Variants in KCNIP1 observed in about 807,000 individuals in gnomAD.
The protein encoded by KCNIP1 is A-type potassium channel modulatory protein KCNIP1.
KCNIP1 carries 18 observed loss-of-function variants against 33.0 expected under a neutral mutation model. The ratio of observed to expected loss-of-function variants is 0.55; its 90% confidence interval spans 0.38 to 0.81. The LOEUF is 0.81. KCNIP1 is among the 30% of genes least tolerant of loss of function. KCNIP1 has a pLI of 0.00. For synonymous variants in KCNIP1, 93 were observed against 98.3 expected, an observed-to-expected ratio of 0.95 and a Z score of 0.32; for missense variants, 238 against 271.6, an observed-to-expected ratio of 0.88 and a Z score of 0.87.
chr5:170,385,284 G>T lies in KCNIP1; in HGVS notation c.88+31320G>T, dbSNP rs45477597. On this transcript the variant is annotated intron_variant, in intron 1 of 7. Transcript: ENST00000377360. ...ATGCCAGACCCTTAGGAGAGGGTTG[G>T]GGGGTGGGCAGGCCGGGAGAGCTCA... is the stretch of plus-strand genomic sequence containing the variant. 2.0e-5 allele frequency: 32 copies of T among 1,613,434 alleles called. No homozygotes were observed. The African/African-American group carries it at 3.1e-4, about 15-fold the overall frequency.
At chr5:170,440,262 C>T (rs59934289) in intron 1 of KCNIP1, among the ~76,000 whole-genome samples, 3,675 of 152,238 alleles carry the variant, frequency 0.024, 154 homozygotes, top group African/African-American at 0.084. Context: ...TTGTTTAAGC[C>T]GCCCAGTCTG....
chr5:170,630,642 T>C (rs1286988088), intron 1 of KCNIP1, among the ~76,000 whole-genome samples: 1 of 152,114 alleles, frequency 6.6e-6, no homozygotes, highest in African/African-American at 2.4e-5. Context: ...AGGCAGAGGA[T>C]GTGAATGGGC....
intron 1 of KCNIP1, chr5:170,678,648 G>T (rs1349504994): frequency 1.3e-5 from 2 of 152,210 alleles, no homozygotes; most frequent in Admixed American, 1.3e-4. Context: ...ATTACCTGTT[G>T]ATGGGACCTC....
At chr5:170,495,056 A>G (rs958064589) in intron 1 of KCNIP1, among the ~76,000 whole-genome samples, 1 of 152,184 alleles carries the variant, frequency 6.6e-6, no homozygotes, top group Non-Finnish European at 1.5e-5. Context: ...TGCTTCAATC[A>G]CTGAACTTAA....
intron 1 of KCNIP1, among the ~76,000 whole-genome samples, chr5:170,615,197 A>G (rs1051177506): frequency 1.3e-5 from 2 of 152,190 alleles, no homozygotes; most frequent in Admixed American, 1.3e-4. Flanking sequence ...CCTGGGCGAC[A>G]GAGTGGGATT....
chr5:170,473,457 C>T (rs1010610942), intron 1 of KCNIP1, among the ~76,000 whole-genome samples: 33 of 152,160 alleles, frequency 2.2e-4, no homozygotes, highest in African/African-American at 4.8e-5. Context: ...ATGGTGGAAC[C>T]AGAATTAGAA....
At chr5:170,381,926 G>A (rs556114394) in intron 1 of KCNIP1, among the ~76,000 whole-genome samples, 13 of 152,236 alleles carry the variant, frequency 8.5e-5, no homozygotes, top group East Asian at 1.9e-4. Context: ...GGGTGGGGCC[G>A]AGTCATACTA....
chr5:170,420,872 C>T (rs1755470052), intron 1 of KCNIP1, among the ~76,000 whole-genome samples: 1 of 152,194 alleles, frequency 6.6e-6, no homozygotes, highest in African/African-American at 2.4e-5. Flanking sequence ...TTTAACCTTA[C>T]AGCATATCTC....
chr5:170,373,076 A>G (rs1200196885), intron 1 of KCNIP1, among the ~76,000 whole-genome samples: 6 of 152,180 alleles, frequency 3.9e-5, no homozygotes, highest in Admixed American at 3.9e-4. Flanking sequence ...TCATCTCCCA[A>G]ATCCTTTGAG....
intron 1 of KCNIP1, among the ~76,000 whole-genome samples, chr5:170,404,557 C>T (rs976606516): frequency 1.3e-5 from 2 of 152,138 alleles, no homozygotes; most frequent in African/African-American, 4.8e-5. Flanking sequence ...TCATGGGTGA[C>T]AGGCTAGTGA....
chr5:170,456,378 A>G (rs535061416), intron 1 of KCNIP1, among the ~76,000 whole-genome samples: 2 of 152,216 alleles, frequency 1.3e-5, no homozygotes, highest in South Asian at 4.2e-4. Flanking sequence ...TAAAACCTAG[A>G]TGACAGGTTG....
intron 1 of KCNIP1, among the ~76,000 whole-genome samples, chr5:170,676,500 C>T (rs892215866): frequency 2.6e-5 from 4 of 152,124 alleles, no homozygotes; most frequent in Non-Finnish European, 4.4e-5. Flanking sequence ...TCATTTCTTT[C>T]GCACCTTTTA....
At chr5:170,653,521 T>C (rs1561743919) in intron 1 of KCNIP1, among the ~76,000 whole-genome samples, 1 of 152,070 alleles carries the variant, frequency 6.6e-6, no homozygotes, top group East Asian at 1.9e-4. Flanking sequence ...TACAAATGAA[T>C]GTAAAAATCT....
At chr5:170,682,434 G>A (rs1256827328) in intron 1 of KCNIP1, among the ~76,000 whole-genome samples, 1 of 152,178 alleles carries the variant, frequency 6.6e-6, no homozygotes, top group Non-Finnish European at 1.5e-5. Flanking sequence ...TGTTAGCCCT[G>A]TATGTAAGGA....
intron 1 of KCNIP1, among the ~76,000 whole-genome samples, chr5:170,668,527 T>G (rs1416201762): frequency 6.6e-6 from 1 of 152,174 alleles, no homozygotes. Context: ...CTTGACCAGA[T>G]CAGTAATTGC....
chr5:170,379,045 AAAG>A (rs1269621180), intron 1 of KCNIP1: 1 of 1,538,530 alleles, frequency 6.5e-7, no homozygotes, highest in African/African-American at 1.4e-5. Context: ...GATATGGAGT[AAAG>A]AAAAATACCA....
At chr5:170,385,203 C>A (rs1417776499) in intron 1 of KCNIP1, 2 of 1,187,854 alleles carry the variant, frequency 1.7e-6, no homozygotes, top group South Asian at 1.3e-5. Context: ...CTTGACCCTG[C>A]TGCCTTGAAT....
chr5:170,366,956 C>T (rs140983132), intron 1 of KCNIP1, among the ~76,000 whole-genome samples: 183 of 152,324 alleles, frequency 1.2e-3, no homozygotes, highest in African/African-American at 4.2e-3. Flanking sequence ...TCTTAAGCTC[C>T]AGGCCTGCAG....
intron 1 of KCNIP1, among the ~76,000 whole-genome samples, chr5:170,632,134 T>C (rs893432379): frequency 2.6e-5 from 4 of 151,720 alleles, no homozygotes; most frequent in Non-Finnish European, 5.9e-5. Flanking sequence ...TCAGCTGGAG[T>C]TGGGGAGCAG....
Sources: gnomAD v4.1 joint callset for allele counts (sites outside exome capture counted in the v4.1 genomes callset) on GRCh38, gnomAD v4.1.1 for gene constraint, MANE v1.5 for transcripts, NCBI Gene and HGNC (gene_info 2026-07-23, HGNC 2026-07-21) for gene names.